The following ADAMTS3 variants were observed in gnomAD, a reference collection of about 807,000 sequenced individuals.
ADAMTS3 encodes the protein A disintegrin and metalloproteinase with thrombospondin motifs 3.
In ADAMTS3, 73 loss-of-function variants were observed where a neutral mutation model predicts 129.0. The observed-to-expected ratio is 0.57, with a 90% CI of 0.47 to 0.69. The LOEUF is 0.69. Among genes scored for constraint, ADAMTS3 ranks in the 30% least tolerant of loss-of-function variants. The pLI, the probability that ADAMTS3 is intolerant of heterozygous loss-of-function variation, is 0.00. For synonymous variants in ADAMTS3, 477 were observed against 510.8 expected (o/e 0.93, Z 0.89); for missense variants, 1,457 against 1,514.5 (o/e 0.96, Z 0.63).
chr4:72,411,526 G>A (rs571333389), intron 4 of ADAMTS3, among the ~76,000 whole-genome samples: 1 of 151,972 alleles, frequency 6.6e-6, no homozygotes, highest in South Asian at 2.1e-4. Flanking sequence ...AGGCAAGAAG[G>A]GGCATTCTAA....
intron 3 of ADAMTS3, among the ~76,000 whole-genome samples, chr4:72,460,771 C>T (rs1184494139): frequency 6.6e-6 from 1 of 151,446 alleles, no homozygotes. Flanking sequence ...AAGGAATATT[C>T]AAAAACTGAA....
chr4:72,463,456 G>T (rs1421740640), intron 3 of ADAMTS3, among the ~76,000 whole-genome samples: 2 of 151,898 alleles, frequency 1.3e-5, no homozygotes, highest in African/African-American at 4.8e-5. Context: ...GTAATCACTT[G>T]AAAGAAAAGA....
intron 19 of ADAMTS3, 131 bp downstream of exon 19, chr4:72,295,523 G>T (rs1473374931): frequency 3.3e-6 from 3 of 911,926 alleles, no homozygotes; most frequent in Non-Finnish European, 4.7e-6. Context: ...TAATTCCTGT[G>T]AAGTGACTTG....
chr4:72,544,202 G>A (rs1475143328), intron 3 of ADAMTS3, among the ~76,000 whole-genome samples: 1 of 152,052 alleles, frequency 6.6e-6, no homozygotes, highest in Non-Finnish European at 1.5e-5. Context: ...AAAACAAAGT[G>A]TTTAAAATGT....
At chr4:72,520,567 C>T (rs990299394) in intron 3 of ADAMTS3, among the ~76,000 whole-genome samples, 10 of 152,208 alleles carry the variant, frequency 6.6e-5, no homozygotes, top group Admixed American at 3.3e-4. Flanking sequence ...CCCCCAGCCT[C>T]GCTGCCGCCT....
intron 3 of ADAMTS3, among the ~76,000 whole-genome samples, chr4:72,417,825 C>T (rs1368777482): frequency 2.0e-5 from 3 of 149,170 alleles, no homozygotes; most frequent in Non-Finnish European, 3.0e-5. Flanking sequence ...CCCAGCTACT[C>T]GGGAGGCTGA....
chr4:72,352,201 T>C (rs1174784860), intron 4 of ADAMTS3, among the ~76,000 whole-genome samples: 1 of 152,072 alleles, frequency 6.6e-6, no homozygotes, highest in Non-Finnish European at 1.5e-5. Context: ...GAGAACACTT[T>C]ACCACGTTAC....
intron 21 of ADAMTS3, among the ~76,000 whole-genome samples, chr4:72,285,411 A>G (rs1391117059): frequency 6.6e-6 from 1 of 152,160 alleles, no homozygotes; most frequent in Non-Finnish European, 1.5e-5. Context: ...AAAATAAGAA[A>G]AATGTCTTCT....
chr4:72,407,634 T>C (rs1722081680), intron 4 of ADAMTS3, among the ~76,000 whole-genome samples: 1 of 152,108 alleles, frequency 6.6e-6, no homozygotes, highest in Admixed American at 6.6e-5. Flanking sequence ...GATAAATGCT[T>C]AGAACTAAAG....
intron 3 of ADAMTS3, among the ~76,000 whole-genome samples, chr4:72,468,000 C>A (rs1718966440): frequency 6.6e-6 from 1 of 152,016 alleles, no homozygotes; most frequent in African/African-American, 2.4e-5. Flanking sequence ...AGGTTATAAA[C>A]TCTGGACCAT....
intron 3 of ADAMTS3, among the ~76,000 whole-genome samples, chr4:72,460,872 A>C (rs1718749562): frequency 6.6e-6 from 1 of 151,712 alleles, no homozygotes; most frequent in Admixed American, 6.6e-5. Flanking sequence ...CTTTTTGGGA[A>C]TTCATCATAA....
chr4:72,459,965 ATAAGT>A (rs984513510), intron 3 of ADAMTS3, among the ~76,000 whole-genome samples: 2 of 151,648 alleles, frequency 1.3e-5, no homozygotes, highest in Admixed American at 1.3e-4. Context: ...GACTCATCAC[ATAAGT>A]TCAGGTGCGA....
chr4:72,479,157 T>A (rs533472275), intron 3 of ADAMTS3, among the ~76,000 whole-genome samples: 6 of 152,292 alleles, frequency 3.9e-5, no homozygotes, highest in South Asian at 2.1e-4. Flanking sequence ...CCCATCAAGC[T>A]ACCAATGACT....
intron 3 of ADAMTS3, among the ~76,000 whole-genome samples, chr4:72,490,806 G>C (rs929415584): frequency 6.6e-6 from 1 of 151,754 alleles, no homozygotes; most frequent in South Asian, 2.1e-4. Context: ...AGTTTCTTTG[G>C]CTACTCAGGG....
At chr4:72,473,551 A>AG (rs954407175) in intron 3 of ADAMTS3, among the ~76,000 whole-genome samples, 6 of 150,810 alleles carry the variant, frequency 4.0e-5, no homozygotes, top group East Asian at 3.9e-4. Flanking sequence ...CAAACACCAC[A>AG]GAAAAAAAAA....
intron 4 of ADAMTS3, among the ~76,000 whole-genome samples, chr4:72,356,496 C>T (rs1176745095): frequency 6.6e-6 from 1 of 151,736 alleles, no homozygotes; most frequent in East Asian, 1.9e-4. Flanking sequence ...TCAATACTCA[C>T]TGTGCTTTCA....
chr4:72,445,164 T>C (rs1316306251), intron 3 of ADAMTS3, among the ~76,000 whole-genome samples: 1 of 151,770 alleles, frequency 6.6e-6, no homozygotes, highest in South Asian at 2.1e-4. Flanking sequence ...TAGAAACCAC[T>C]GCATTTTAAA....
intron 5 of ADAMTS3, among the ~76,000 whole-genome samples, chr4:72,337,256 CAG>C (rs1720014576): frequency 6.6e-6 from 1 of 152,056 alleles, no homozygotes; most frequent in South Asian, 2.1e-4. Flanking sequence ...GTATTTGAGA[CAG>C]AGTCATAGTC....
At chr4:72,452,559 C>T (rs1718434382) in intron 3 of ADAMTS3, among the ~76,000 whole-genome samples, 1 of 151,690 alleles carries the variant, frequency 6.6e-6, no homozygotes, top group African/African-American at 2.4e-5. Flanking sequence ...GCAAGGTCGA[C>T]CCTTCTTTTG....
Sources: allele counts gnomAD v4.1 joint callset (sites outside exome capture counted in the v4.1 genomes callset), GRCh38; gene constraint gnomAD v4.1.1; transcripts MANE v1.5; gene names NCBI Gene and HGNC (gene_info 2026-07-23, HGNC 2026-07-21).